Variants in SPPL2A observed in about 807,000 individuals in gnomAD.
SPPL2A encodes signal peptide peptidase-like 2A.
Under a neutral mutation model 63.8 loss-of-function variants are expected in SPPL2A, and 51 were observed. The observed-to-expected ratio is 0.80, with a 90% CI of 0.64 to 1.01. The LOEUF is 1.01. Ranked by LOEUF, SPPL2A falls within the 50% of genes least tolerant of loss-of-function variation. SPPL2A has a pLI of 0.00. For synonymous variants in SPPL2A, 188 were observed against 205.8 expected, an observed-to-expected ratio of 0.91 and a Z score of 0.74; for missense variants, 553 against 622.7, an observed-to-expected ratio of 0.89 and a Z score of 1.19.
chr15:50,706,389 CAAAAAAAAAAAA>C lies in SPPL2A; in HGVS notation c.*1399_*1410del, dbSNP rs71127124. ...TGGGCGACAGAGCGAGACTCCGTCT[CAAAAAAAAAAAA>C]AAAAAAAAAAAGAAAACTGAGATAC... On this transcript the variant is annotated 3_prime_UTR_variant, in exon 15 of 15. Transcript: ENST00000261854. 8.9e-5 allele frequency: 4 copies of C among 45,032 alleles called. No individual in the cohort carries two copies. Among genetic ancestry groups the C allele is most frequent in the Admixed American group, 7.3e-4 (3 of 4,124 alleles). 2.8% of individuals were successfully genotyped at this position (45,032 alleles called of 1,614,324 possible). A position where few individuals can be genotyped will look rare whatever the true frequency, so the allele number is the denominator to read the frequency against.
At chr15:50,763,097 A>G (rs2063026586) in intron 1 of SPPL2A, among the ~76,000 whole-genome samples, 2 of 152,066 alleles carry the variant, frequency 1.3e-5, no homozygotes, top group Non-Finnish European at 2.9e-5. Context: ...TTGAGCTGGC[A>G]TCACTAATCA....
chr15:50,737,250 T>C (rs76219385), intron 6 of SPPL2A, among the ~76,000 whole-genome samples: 144 of 152,240 alleles, frequency 9.5e-4, no homozygotes, highest in African/African-American at 3.3e-3. Context: ...AGGAAATCTC[T>C]TACCAAAAAC....
In SPPL2A at chr15:50,706,281, T is replaced by C. The variant is rs979474231; in HGVS notation, c.*1519A>G. ...GGCGGGCGCCTGTAGTCCTAGCTAC[T>C]TGGGAGGCTGAGGCAGGAGAATGGC... is the stretch of plus-strand genomic sequence containing the variant. On this transcript the variant is annotated 3_prime_UTR_variant, in exon 15 of 15. Coordinates refer to ENST00000261854, the MANE Select transcript of SPPL2A (RefSeq NM_032802.4). The C allele has an allele frequency of 6.7e-6, 1 of 148,826 alleles. No homozygotes were observed. Among genetic ancestry groups the C allele is most frequent in the East Asian group, 2.0e-4 (1 of 5,100 alleles). 9.2% of individuals were successfully genotyped at this position (148,826 alleles called of 1,614,324 possible).
At chr15:50,730,556 G>A (rs879440882) in intron 10 of SPPL2A, among the ~76,000 whole-genome samples, 4 of 152,114 alleles carry the variant, frequency 2.6e-5, no homozygotes, top group Admixed American at 6.6e-5. Context: ...AAGCAGAAAG[G>A]GCTAAGTAAC....
In SPPL2A at chr15:50,727,062, A is replaced by C. The variant is rs72742308; in HGVS notation, c.1090-685T>G. On this transcript the variant is annotated intron_variant, in intron 10 of 14. Coordinates refer to ENST00000261854, the MANE Select transcript of SPPL2A (RefSeq NM_032802.4). ...TTTATGTGGGTTGTGTGAGGGGTTCATTTAAAAATTTTTTCCTGATAGCCA... is the reference window on the plus strand; with the variant it reads ...TTTATGTGGGTTGTGTGAGGGGTTCCTTTAAAAATTTTTTCCTGATAGCCA... Among the ~76,000 whole-genome samples, 486 of 152,276 alleles carry C rather than the reference A, an allele frequency of 3.2e-3. 5 individuals are homozygous for C. The highest frequency in any genetic ancestry group is 4.9e-3 in the Non-Finnish European group (334 of 68,002).
At chr15:50,753,953 C>T (rs1467748321) in intron 1 of SPPL2A, among the ~76,000 whole-genome samples, 3 of 152,068 alleles carry the variant, frequency 2.0e-5, no homozygotes, top group South Asian at 2.1e-4. Context: ...CCCACCACCA[C>T]GCCTGGCTAA....
intron 8 of SPPL2A, 107 bp downstream of exon 8, chr15:50,735,994 T>C (rs2062768212): frequency 1.5e-6 from 1 of 665,166 alleles, no homozygotes; most frequent in Admixed American, 2.6e-5. Context: ...AAGACTGGTG[T>C]TCTGGCATAG....
At chr15:50,746,371 G>A (rs2062857210) in intron 5 of SPPL2A, among the ~76,000 whole-genome samples, 1 of 148,310 alleles carries the variant, frequency 6.7e-6, no homozygotes, top group South Asian at 2.2e-4. Context: ...TGGAGAGGCG[G>A]AGTTTTCAGT....
chr15:50,725,871 T>C lies in SPPL2A; in HGVS notation c.1146+450A>G, dbSNP rs111731336. 2.2e-3 allele frequency: 640 copies of C among 288,928 alleles called. 8 individuals carry two copies. The highest frequency in any genetic ancestry group is 0.013 in the African/African-American group (600 of 45,958). 17.9% of individuals were successfully genotyped at this position (288,928 alleles called of 1,614,324 possible). ...AAAAATGCTCAACACACATGTAGGA[T>C]TAACAGTATTAACCAAGTATCCCCA... On this transcript the variant is annotated intron_variant, in intron 11 of 14. Transcript: ENST00000261854.
At chr15:50,759,896 T>C (rs561026637) in intron 1 of SPPL2A, among the ~76,000 whole-genome samples, 18 of 152,326 alleles carry the variant, frequency 1.2e-4, no homozygotes, top group African/African-American at 4.3e-4. Flanking sequence ...TTTTTGAGTT[T>C]CAAAGGAGAT....
intron 1 of SPPL2A, among the ~76,000 whole-genome samples, chr15:50,760,910 G>C (rs1277022741): frequency 1.3e-5 from 2 of 152,078 alleles, no homozygotes; most frequent in Non-Finnish European, 2.9e-5. Context: ...TGGGGATCCT[G>C]ATTATCATTT....
chr15:50,713,858 AAAT>A (rs977988581), intron 14 of SPPL2A, among the ~76,000 whole-genome samples: 3 of 152,216 alleles, frequency 2.0e-5, no homozygotes, highest in African/African-American at 7.2e-5. Flanking sequence ...TCACTCCTAC[AAAT>A]AATGATAGCA....
At chr15:50,719,026 C>T (rs909046132) in intron 14 of SPPL2A, among the ~76,000 whole-genome samples, 1 of 152,004 alleles carries the variant, frequency 6.6e-6, no homozygotes, top group Non-Finnish European at 1.5e-5. Context: ...CCCAACTCTT[C>T]TTAATTTCAA....
chr15:50,731,192 T>C (rs2062727911), intron 9 of SPPL2A, among the ~76,000 whole-genome samples, 153 bp from the exon 10 acceptor site: 1 of 152,244 alleles, frequency 6.6e-6, no homozygotes. Context: ...ATAGTTTTAT[T>C]CTACATATTA....
At chr15:50,730,506 T>C (rs1406246103) in intron 10 of SPPL2A, among the ~76,000 whole-genome samples, 1 of 151,950 alleles carries the variant, frequency 6.6e-6, no homozygotes, top group African/African-American at 2.4e-5. Flanking sequence ...GGAAGATGAA[T>C]AGCTAGCAGT....
chr15:50,722,015 G>A lies in SPPL2A; in HGVS notation c.1327+109C>T, dbSNP rs533878654. 10 of 645,924 alleles carry A rather than the reference G, an allele frequency of 1.5e-5. No individual in the cohort carries two copies. In the African/African-American group the frequency reaches 1.8e-4, roughly 12 times the overall value. The allele number at this position is 645,924 out of a possible 1,614,324, so 40.0% of individuals were successfully genotyped here. ...TGGCCCCCAAAGTGCTAGGACTCCA[G>A]GGGTGAACCACCATGCCCAAACTGT... On this transcript the variant is annotated intron_variant, in intron 13 of 14. Transcript: ENST00000261854.
At chr15:50,749,310 C>T (rs910060733) in intron 2 of SPPL2A, among the ~76,000 whole-genome samples, 10 of 151,554 alleles carry the variant, frequency 6.6e-5, no homozygotes, top group Non-Finnish European at 1.0e-4. Context: ...TTTTCAGAGA[C>T]GAAGTCTCAC....
chr15:50,735,320 A>C (rs2062761362), intron 8 of SPPL2A, among the ~76,000 whole-genome samples: 1 of 151,976 alleles, frequency 6.6e-6, no homozygotes, highest in African/African-American at 2.4e-5. Flanking sequence ...CCATTGTGTA[A>C]ATATAACGTA....
In SPPL2A at chr15:50,704,782, A is replaced by C. The variant is rs2062497297; in HGVS notation, c.*3018T>G. 6.6e-6 allele frequency: 1 copy of C among 152,238 alleles called. No individual in the cohort carries two copies. Among genetic ancestry groups the C allele is most frequent in the African/African-American group, 2.4e-5 (1 of 41,466 alleles). 9.4% of individuals were successfully genotyped at this position (152,238 alleles called of 1,614,324 possible). A position where few individuals can be genotyped will look rare whatever the true frequency, so the allele number is the denominator to read the frequency against. ...CAGCTTGGTTGCTACACATTTAATT[A>C]CAATATAAAGTTGACATTGAGGATG... On this transcript the variant is annotated 3_prime_UTR_variant, in exon 15 of 15. Coordinates refer to ENST00000261854, the MANE Select transcript of SPPL2A (RefSeq NM_032802.4).
Sources: gnomAD v4.1 joint callset for allele counts (sites outside exome capture counted in the v4.1 genomes callset) on GRCh38, gnomAD v4.1.1 for gene constraint, MANE v1.5 for transcripts, NCBI Gene and HGNC (gene_info 2026-07-23, HGNC 2026-07-21) for gene names.